The following ANKS1B variants were observed in gnomAD, a reference collection of about 807,000 sequenced individuals.
ANKS1B encodes ankyrin repeat and sterile alpha motif domain containing 1B.
ANKS1B carries 36 observed loss-of-function variants against 148.3 expected under a neutral mutation model. The observed-to-expected ratio is 0.24, with a 90% CI of 0.19 to 0.32. The LOEUF (loss-of-function observed/expected upper bound fraction) is 0.32. ANKS1B is among the 10% of genes least tolerant of loss of function. The pLI, the probability that ANKS1B is intolerant of heterozygous loss-of-function variation, is 1.00. For synonymous variants in ANKS1B, 542 were observed against 560.8 expected, an observed-to-expected ratio of 0.97 and a Z score of 0.47; for missense variants, 1,157 against 1,542.6, an observed-to-expected ratio of 0.75 and a Z score of 4.19.
chr12:99,333,353 A>G (rs7304346), intron 12 of ANKS1B, among the ~76,000 whole-genome samples: 41,248 of 152,038 alleles, frequency 0.27, 9,054 homozygotes, highest in African/African-American at 0.61. Flanking sequence ...AGAAATTAAC[A>G]GATAGATTCA....
intron 8 of ANKS1B, among the ~76,000 whole-genome samples, chr12:99,679,511 T>G (rs552691200): frequency 1.3e-5 from 2 of 152,134 alleles, no homozygotes; most frequent in Admixed American, 1.3e-4. Flanking sequence ...GGTTTCACTA[T>G]GTTGCCCAGG....
At position 99,003,017 on chromosome 12, in the gene ANKS1B, G is replaced by A. The variant is rs145179090; in HGVS notation, c.2778+50140C>T. ...CTTGGCATTGATTTTTGTGTACAGT[G>A]TAAGATATGGATCCAAATTCATTCT... On this transcript the variant is annotated intron_variant, in intron 17 of 26. Transcript: ENST00000683438. Among the ~76,000 whole-genome samples, 210 of 152,252 alleles carry A rather than the reference G, an allele frequency of 1.4e-3. 3 individuals carry two copies. The highest frequency in any genetic ancestry group is 4.9e-3 in the African/African-American group (205 of 41,556).
At chr12:98,923,392 G>C (rs138456871) in intron 17 of ANKS1B, among the ~76,000 whole-genome samples, 2 of 152,212 alleles carry the variant, frequency 1.3e-5, no homozygotes, top group South Asian at 2.1e-4. Flanking sequence ...GTCTGTTCTA[G>C]CAACATAAAA....
intron 11 of ANKS1B, among the ~76,000 whole-genome samples, chr12:99,439,824 AAC>A (rs2095520436): frequency 6.6e-6 from 1 of 151,788 alleles, no homozygotes; most frequent in South Asian, 2.1e-4. Context: ...GTTTATAAAA[AAC>A]ACTTACATGT....
intron 12 of ANKS1B, among the ~76,000 whole-genome samples, chr12:99,284,259 A>G (rs2078836324): frequency 6.6e-6 from 1 of 152,094 alleles, no homozygotes; most frequent in African/African-American, 2.4e-5. Context: ...TAAATTGTGT[A>G]TATTAGAGCC....
intron 9 of ANKS1B, among the ~76,000 whole-genome samples, chr12:99,522,740 G>T (rs2096887331): frequency 6.6e-6 from 1 of 152,186 alleles, no homozygotes; most frequent in Non-Finnish European, 1.5e-5. Context: ...GCCAGTTAAA[G>T]AAATTAATGT....
chr12:99,237,763 C>T (rs190175593), intron 14 of ANKS1B, among the ~76,000 whole-genome samples: 3 of 152,240 alleles, frequency 2.0e-5, no homozygotes, highest in East Asian at 1.9e-4. Context: ...ATAGAAACTT[C>T]GTGTGTGTGC....
intron 17 of ANKS1B, among the ~76,000 whole-genome samples, chr12:99,000,644 G>A (rs2099932442): frequency 6.6e-6 from 1 of 152,134 alleles, no homozygotes; most frequent in Admixed American, 6.5e-5. Context: ...CTTAAAAATT[G>A]TGTGCATAAT....
At chr12:99,142,987 C>T (rs574008155) in intron 15 of ANKS1B, among the ~76,000 whole-genome samples, 3 of 152,062 alleles carry the variant, frequency 2.0e-5, no homozygotes, top group Non-Finnish European at 4.4e-5. Flanking sequence ...CAGGATTACA[C>T]CTTTCTGAAA....
At chr12:99,604,327 G>A (rs541083421) in intron 9 of ANKS1B, among the ~76,000 whole-genome samples, 34 of 151,996 alleles carry the variant, frequency 2.2e-4, no homozygotes, top group Non-Finnish European at 4.6e-4. Flanking sequence ...ACTTGACAAT[G>A]CTTCCCATAT....
intron 4 of ANKS1B, among the ~76,000 whole-genome samples, chr12:99,789,784 C>T (rs941447420): frequency 2.0e-5 from 3 of 152,048 alleles, no homozygotes; most frequent in Non-Finnish European, 4.4e-5. Context: ...GCCCCAAACG[C>T]ACCCAATCTC....
intron 5 of ANKS1B, among the ~76,000 whole-genome samples, 191 bp downstream of exon 5, chr12:99,781,825 TAAAAGA>T (rs965061539): frequency 1.1e-4 from 16 of 152,304 alleles, no homozygotes; most frequent in African/African-American, 3.8e-4. Flanking sequence ...ATCTATTGCA[TAAAAGA>T]AGTTGCACAT....
chr12:98,787,584 C>T (rs1401016958), intron 22 of ANKS1B, among the ~76,000 whole-genome samples: 2 of 152,044 alleles, frequency 1.3e-5, no homozygotes, highest in Non-Finnish European at 2.9e-5. Context: ...AAGGAACAGG[C>T]CAGTGAATTA....
At chr12:99,686,363 A>T (rs2098649278) in intron 8 of ANKS1B, among the ~76,000 whole-genome samples, 1 of 152,078 alleles carries the variant, frequency 6.6e-6, no homozygotes, top group Non-Finnish European at 1.5e-5. Flanking sequence ...GCCTTATCAC[A>T]CTATGCCCAA....
intron 25 of ANKS1B, among the ~76,000 whole-genome samples, chr12:98,763,816 A>T (rs1201401129): frequency 6.6e-6 from 1 of 152,178 alleles, no homozygotes; most frequent in Non-Finnish European, 1.5e-5. Context: ...ATGCCATTAC[A>T]CGTTCTTCAA....
intron 7 of ANKS1B, 70 bp downstream of exon 7, chr12:99,775,478 G>A (rs1040018870): frequency 2.0e-6 from 2 of 1,020,750 alleles, no homozygotes; most frequent in Admixed American, 1.9e-5. Flanking sequence ...TAACCTATTA[G>A]ACTTGAAATT....
chr12:99,892,072 C>A (rs535134337), intron 1 of ANKS1B, among the ~76,000 whole-genome samples: 2 of 152,058 alleles, frequency 1.3e-5, no homozygotes, highest in African/African-American at 2.4e-5. Context: ...GGCATGATCT[C>A]GGCTCACTGC....
intron 10 of ANKS1B, among the ~76,000 whole-genome samples, chr12:99,463,675 G>T (rs2096033715): frequency 6.6e-6 from 1 of 152,218 alleles, no homozygotes; most frequent in Admixed American, 6.5e-5. Context: ...CGCCCACGGA[G>T]TCTCACTGAT....
intron 17 of ANKS1B, among the ~76,000 whole-genome samples, chr12:98,861,332 T>C (rs1180906951): frequency 6.6e-6 from 1 of 152,154 alleles, no homozygotes; most frequent in Non-Finnish European, 1.5e-5. Flanking sequence ...CAGTTTCTGA[T>C]ATAAAGAGAA....
Sources: gnomAD v4.1 joint callset for allele counts (sites outside exome capture counted in the v4.1 genomes callset) on GRCh38, gnomAD v4.1.1 for gene constraint, MANE v1.5 for transcripts, NCBI Gene and HGNC (gene_info 2026-07-23, HGNC 2026-07-21) for gene names.